Variants in RBFOX1 observed in about 807,000 individuals in gnomAD.
RBFOX1 encodes the protein RNA binding protein fox-1 homolog 1.
In RBFOX1, 8 loss-of-function variants were observed where a neutral mutation model predicts 57.7. The observed-to-expected ratio is 0.14, with a 90% CI of 0.08 to 0.25. The LOEUF (loss-of-function observed/expected upper bound fraction) is 0.25. Ranked by LOEUF, RBFOX1 falls within the 10% of genes least tolerant of loss-of-function variation. The pLI, the probability that RBFOX1 is intolerant of heterozygous loss-of-function variation, is 1.00. For synonymous variants in RBFOX1, 326 were observed against 222.4 expected, an observed-to-expected ratio of 1.47 and a Z score of -4.15; for missense variants, 611 against 548.5, an observed-to-expected ratio of 1.11 and a Z score of -1.14.
intron 11 of RBFOX1, among the ~76,000 whole-genome samples, chr16:7,644,635 A>G (rs767157288): frequency 6.6e-6 from 1 of 152,194 alleles, no homozygotes; most frequent in Non-Finnish European, 1.5e-5. Context: ...CAATACACAT[A>G]TCAGTGATCA....
At chr16:6,091,700 G>A (rs1354343280) in intron 1 of RBFOX1, among the ~76,000 whole-genome samples, 1 of 152,120 alleles carries the variant, frequency 6.6e-6, no homozygotes, top group African/African-American at 2.4e-5. Context: ...TGTGGTGTCA[G>A]GAGCCTGGAA....
intron 3 of RBFOX1, among the ~76,000 whole-genome samples, chr16:6,783,610 T>C (rs1436272901): frequency 3.3e-5 from 5 of 152,110 alleles, no homozygotes; most frequent in Non-Finnish European, 7.4e-5. Context: ...TTCAACAAAT[T>C]GTTGTAGTTA....
intron 1 of RBFOX1, among the ~76,000 whole-genome samples, chr16:5,316,799 G>C (rs1402396681): frequency 6.6e-6 from 1 of 152,160 alleles, no homozygotes; most frequent in Non-Finnish European, 1.5e-5. Context: ...AGGATAATTG[G>C]GCCGCCGCAG....
intron 1 of RBFOX1, among the ~76,000 whole-genome samples, chr16:5,399,713 G>A (rs1449033689): frequency 1.3e-5 from 2 of 151,620 alleles, no homozygotes. Context: ...TCCAGCCTGG[G>A]TGACAGTGAG....
intron 2 of RBFOX1, among the ~76,000 whole-genome samples, chr16:5,502,489 C>T (rs930443183): frequency 1.2e-4 from 18 of 152,128 alleles, no homozygotes; most frequent in African/African-American, 4.1e-4. Flanking sequence ...TTCTGGAAGC[C>T]CCCTGCTCTG....
chr16:6,196,189 A>T (rs937260298), intron 1 of RBFOX1, among the ~76,000 whole-genome samples: 1 of 152,168 alleles, frequency 6.6e-6, no homozygotes, highest in African/African-American at 2.4e-5. Context: ...CTGAGGCCTC[A>T]AAGAGTTAAT....
At chr16:6,100,396 G>A (rs899204936) in intron 1 of RBFOX1, among the ~76,000 whole-genome samples, 85 of 152,172 alleles carry the variant, frequency 5.6e-4, no homozygotes, top group Non-Finnish European at 9.1e-4. Context: ...TTTCCTGACC[G>A]CGTGATCCGC....
intron 4 of RBFOX1, among the ~76,000 whole-genome samples, chr16:7,312,934 G>A (rs956175295): frequency 6.6e-6 from 1 of 152,048 alleles, no homozygotes; most frequent in African/African-American, 2.4e-5. Flanking sequence ...CAGGGTGCCT[G>A]GGTGCTTGGC....
chr16:6,392,489 TAA>T (rs2092648509), intron 2 of RBFOX1, among the ~76,000 whole-genome samples: 1 of 152,220 alleles, frequency 6.6e-6, no homozygotes, highest in Non-Finnish European at 1.5e-5. Flanking sequence ...TTTTCATTTG[TAA>T]AAGAGATTGT....
At chr16:7,153,381 C>A (rs897745475) in intron 4 of RBFOX1, among the ~76,000 whole-genome samples, 14 of 152,036 alleles carry the variant, frequency 9.2e-5, no homozygotes, top group Admixed American at 2.0e-4. Flanking sequence ...TTAGTCTTTC[C>A]TTCCTGTCCC....
At chr16:7,041,494 A>T (rs2046177762) in intron 3 of RBFOX1, among the ~76,000 whole-genome samples, 1 of 152,122 alleles carries the variant, frequency 6.6e-6, no homozygotes, top group Non-Finnish European at 1.5e-5. Context: ...CTGTTCTGTG[A>T]CAAGCGCTGT....
At chr16:6,065,017 T>C (rs998829009) in intron 1 of RBFOX1, among the ~76,000 whole-genome samples, 1 of 151,808 alleles carries the variant, frequency 6.6e-6, no homozygotes, top group Non-Finnish European at 1.5e-5. Context: ...TTTCTTTTCT[T>C]TCTTTCTTTC....
intron 2 of RBFOX1, among the ~76,000 whole-genome samples, chr16:6,562,663 A>G (rs901462255): frequency 1.4e-4 from 21 of 152,214 alleles, no homozygotes; most frequent in African/African-American, 4.1e-4. Flanking sequence ...GAAAGCAGCC[A>G]TGAATCTGAG....
intron 3 of RBFOX1, among the ~76,000 whole-genome samples, chr16:6,733,789 A>G (rs1275265195): frequency 1.3e-5 from 2 of 152,130 alleles, no homozygotes; most frequent in East Asian, 3.9e-4. Flanking sequence ...AAATCTGACA[A>G]AGCTGGGTTC....
At chr16:5,754,933 C>G (rs1173165482) in intron 3 of RBFOX1, among the ~76,000 whole-genome samples, 8 of 1,928 alleles carry the variant, frequency 4.1e-3, no homozygotes, top group African/African-American at 0.018. Context: ...AGCACAGACC[C>G]TTTACGGGTG....
At chr16:6,419,987 G>A (rs899537340) in intron 2 of RBFOX1, among the ~76,000 whole-genome samples, 1 of 152,118 alleles carries the variant, frequency 6.6e-6, no homozygotes. Flanking sequence ...GTAGATGTTA[G>A]ATTTCACTGA....
At chr16:6,241,869 A>C (rs1197755564) in intron 1 of RBFOX1, among the ~76,000 whole-genome samples, 1 of 152,238 alleles carries the variant, frequency 6.6e-6, no homozygotes, top group East Asian at 1.9e-4. Context: ...GCAAAAGCCC[A>C]ACACATTGAC....
At chr16:7,599,612 A>T (rs73488676) in intron 9 of RBFOX1, among the ~76,000 whole-genome samples, 29 of 151,426 alleles carry the variant, frequency 1.9e-4, no homozygotes, top group African/African-American at 6.8e-4. Context: ...CATTGAGGCT[A>T]GAGAAGATGA....
intron 3 of RBFOX1, among the ~76,000 whole-genome samples, chr16:7,030,104 T>C (rs1263950995): frequency 1.3e-5 from 2 of 152,194 alleles, no homozygotes; most frequent in African/African-American, 2.4e-5. Flanking sequence ...CCAAAAATTA[T>C]AATGAGTAGA....
Sources: allele counts gnomAD v4.1 joint callset (sites outside exome capture counted in the v4.1 genomes callset), GRCh38; gene constraint gnomAD v4.1.1; transcripts MANE v1.5; gene names NCBI Gene and HGNC (gene_info 2026-07-23, HGNC 2026-07-21).